ZNF586: variants seen among roughly 807,000 people sequenced by gnomAD.
ZNF586 encodes zinc finger protein 586.
In ZNF586, 7 loss-of-function variants were observed where a neutral mutation model predicts 6.7. The ratio of observed to expected loss-of-function variants is 1.04; its 90% CI spans 0.59 to 1.95. The LOEUF (loss-of-function observed/expected upper bound fraction) is 1.95. Ranked by LOEUF, ZNF586 falls within the 30% of genes most tolerant of loss-of-function variation. The pLI, the probability that ZNF586 is intolerant of heterozygous loss-of-function variation, is 0.00. For synonymous variants in ZNF586, 166 were observed against 168.7 expected (o/e 0.98, Z 0.12); for missense variants, 442 against 489.6 (o/e 0.90, Z 0.92).
At position 57,779,675 on chromosome 19, in the gene ZNF586, A is replaced by G. The variant is rs1178006696; in HGVS notation, c.1088A>G (p.His363Arg). ...SFAENSSLIK[H>R]LRVHTGERPY... ...GCTGAAAACTCCAGCCTTATTAAACACTTGAGAGTTCACACTGGAGAAAGG... is the reference window on the plus strand; with the variant it reads ...GCTGAAAACTCCAGCCTTATTAAACGCTTGAGAGTTCACACTGGAGAAAGG... The change falls in exon 3 of 3, where the codon CAC becomes CGC. Residue 363 changes from histidine to arginine, a missense_variant. Physicochemically the swap from His to Arg is conservative, Grantham distance 29 (BLOSUM62 0). Coordinates refer to ENST00000396154, the MANE Select transcript of ZNF586 (RefSeq NM_017652.4). The G allele has an allele frequency of 6.2e-7, 1 of 1,613,872 alleles. No individual in the cohort carries two copies. Among genetic ancestry groups the G allele is most frequent in the South Asian group, 1.1e-5 (1 of 91,076 alleles).
chr19:57,773,391 T>TG (rs1987143168), intron 1 of ZNF586, among the ~76,000 whole-genome samples: 1 of 57,222 alleles, frequency 1.7e-5, no homozygotes, highest in Non-Finnish European at 3.7e-5. Context: ...ATACATCTGT[T>TG]TCTTCTTCTT....
intron 1 of ZNF586, among the ~76,000 whole-genome samples, chr19:57,771,882 T>C (rs1000041046): frequency 1.3e-5 from 2 of 152,040 alleles, no homozygotes; most frequent in Non-Finnish European, 2.9e-5. Flanking sequence ...TGGAGTGCAA[T>C]AGTGGAATCT....
At chr19:57,776,950 G>A (rs903002822) in intron 2 of ZNF586, among the ~76,000 whole-genome samples, 8 of 152,156 alleles carry the variant, frequency 5.3e-5, no homozygotes, top group Non-Finnish European at 1.0e-4. Flanking sequence ...CTGGGTGACT[G>A]TGCAGATCCA....
At chr19:57,774,405 C>T (rs1024844700) in intron 1 of ZNF586, among the ~76,000 whole-genome samples, 1 of 151,056 alleles carries the variant, frequency 6.6e-6, no homozygotes, top group Non-Finnish European at 1.5e-5. Flanking sequence ...TGCCTCTAAT[C>T]CCAGCTACTC....
chr19:57,769,952 C>T (rs1278139950), intron 1 of ZNF586, 74 bp downstream of exon 1: 1 of 1,307,916 alleles, frequency 7.6e-7, no homozygotes, highest in Non-Finnish European at 1.0e-6. Context: ...TGAGGGCCGC[C>T]TCCTCGCGTC....
intron 1 of ZNF586, among the ~76,000 whole-genome samples, chr19:57,770,103 G>A (rs1258197435): frequency 6.6e-6 from 1 of 151,924 alleles, no homozygotes; most frequent in Non-Finnish European, 1.5e-5. Context: ...GGAGGATGCG[G>A]AACACGGGGA....
chr19:57,776,748 G>C, intron 2 of ZNF586, 79 bp downstream of exon 2: 1 of 1,447,042 alleles, frequency 6.9e-7, no homozygotes, highest in Non-Finnish European at 9.3e-7. Flanking sequence ...CTCACACCAG[G>C]ACCATGGACA....
In ZNF586 at chr19:57,779,118, T is replaced by TTATG. The variant is rs769924793; in HGVS notation, c.532_535dup (p.Glu179ValfsTer2). 20 of 1,614,002 alleles carry TTATG rather than the reference T, an allele frequency of 1.2e-5. No homozygotes were observed. The East Asian group carries it at 4.2e-4, about 34-fold the overall frequency. On this transcript the variant is annotated frameshift_variant, in exon 3 of 3. Coordinates refer to ENST00000396154, the MANE Select transcript of ZNF586 (RefSeq NM_017652.4). LOFTEE classifies it low-confidence loss of function (END_TRUNC). ...AGACACTTCACACTAGAGAAAGGCC[T>TTATG]TATGAGTGTATTGAATGTGGGAAAG... is the stretch of plus-strand genomic sequence containing the variant.
chr19:57,774,719 A>G (rs1447415306), intron 1 of ZNF586: 1 of 983,796 alleles, frequency 1.0e-6, no homozygotes, highest in East Asian at 1.1e-4. Context: ...CTATTGAGAA[A>G]CATTGGAATT....
At position 57,779,615 on chromosome 19, in the gene ZNF586, G is replaced by A. The variant is rs1987334628; in HGVS notation, c.1028G>A (p.Arg343Lys). The A allele has an allele frequency of 1.9e-6, 3 of 1,613,604 alleles. No individual in the cohort carries two copies. The South Asian group carries it at 3.3e-5, about 18-fold the overall frequency. The change falls in exon 3 of 3, where the codon AGG becomes AAG. Residue 343 changes from arginine (R) to lysine (K), a missense_variant. Physicochemically the swap from Arg to Lys is conservative, Grantham distance 26. Coordinates refer to ENST00000396154, the MANE Select transcript of ZNF586 (RefSeq NM_017652.4). Reference sequence around the variant, plus strand: ...CATCTGAGAGTTCACACTGGAGAAAGGCCTTATGAGTGCAGTGACTGTGGG... The same window carrying A: ...CATCTGAGAGTTCACACTGGAGAAAAGCCTTATGAGTGCAGTGACTGTGGG... ...IIHLRVHTGERPYECSDCGKS... is the reference protein window; with the variant it reads ...IIHLRVHTGEKPYECSDCGKS...
In ZNF586 at chr19:57,779,789, A is replaced by T; in HGVS notation, c.1202A>T (p.Tyr401Phe). ...AGAGTTCATACTGGAATGAGGCCTT[A>T]TAAGTGAAGCAAATTTTGGAAATTC... ...HQRVHTGMRP[Y>F]K is the part of the protein sequence containing the mutation. Residue 401 changes from tyrosine to phenylalanine, a missense_variant, in exon 3 of 3, where the codon TAT becomes TTT. By Grantham distance (22) the Tyr-to-Phe change is conservative. Transcript: ENST00000396154. 1 of 1,571,822 alleles carries T rather than the reference A, an allele frequency of 6.4e-7. No individual in the cohort carries two copies. Among genetic ancestry groups the T allele is most frequent in the Non-Finnish European group, 8.6e-7 (1 of 1,160,528 alleles).
chr19:57,777,824 C>T (rs575413471), intron 2 of ZNF586, among the ~76,000 whole-genome samples: 21 of 131,656 alleles, frequency 1.6e-4, no homozygotes, highest in African/African-American at 5.9e-4. Flanking sequence ...AGTGCGATCT[C>T]GGCTCACTGC....
rs561783754 is a variant in ZNF586 at position 57,773,472 on chromosome 19, C to T, written c.37-3071C>T. Among the ~76,000 whole-genome samples the T allele has an allele frequency of 5.5e-5, 8 of 145,936 alleles. No homozygotes were observed. The South Asian group carries it at 6.4e-4, about 12-fold the overall frequency. ...AGACTAGAGTGCCGTGGTGCAATCT[C>T]GGCTCACTGCAACCTCCGCCTCCTG... On this transcript the variant is annotated intron_variant, in intron 1 of 2. Transcript: ENST00000396154.
chr19:57,772,300 G>A (rs920696100), intron 1 of ZNF586, among the ~76,000 whole-genome samples: 1 of 152,116 alleles, frequency 6.6e-6, no homozygotes, highest in South Asian at 2.1e-4. Flanking sequence ...ATTCTGCGTG[G>A]AAAAAAATAC....
At chr19:57,769,906 C>T (rs1259663785) in intron 1 of ZNF586, 28 bp downstream of exon 1, 3 of 1,411,462 alleles carry the variant, frequency 2.1e-6, no homozygotes, top group Admixed American at 4.5e-5. Flanking sequence ...CGGGCCTTAC[C>T]CACCCTACCC....
At chr19:57,773,565 G>A (rs1392556182) in intron 1 of ZNF586, among the ~76,000 whole-genome samples, 1 of 151,864 alleles carries the variant, frequency 6.6e-6, no homozygotes, top group African/African-American at 2.4e-5. Flanking sequence ...CACCATGCCT[G>A]GCTAATTTTT....
Position 57,779,862 on chromosome 19 carries a change from A to G in ZNF586, c.*66A>G, listed in dbSNP as rs146406244. On this transcript the variant is annotated 3_prime_UTR_variant, in exon 3 of 3. Transcript: ENST00000396154. Reference sequence around the variant, plus strand: ...TTCAAGGCCAGAGAGTTCACACCAGATCAAGGTGTTATGAGTGTGACAAAT... The same window carrying G: ...TTCAAGGCCAGAGAGTTCACACCAGGTCAAGGTGTTATGAGTGTGACAAAT... 11 of 1,313,030 alleles carry G rather than the reference A, an allele frequency of 8.4e-6. No individual in the cohort carries two copies. The highest frequency in any genetic ancestry group is 1.2e-5 in the Non-Finnish European group (11 of 948,350). 81.3% of individuals were successfully genotyped at this position (1,313,030 alleles called of 1,614,324 possible). A position where few individuals can be genotyped will look rare whatever the true frequency, so the allele number is the denominator to read the frequency against.
At chr19:57,776,802 G>A (rs981188893) in intron 2 of ZNF586, 133 bp downstream of exon 2, 4 of 1,068,864 alleles carry the variant, frequency 3.7e-6, no homozygotes, top group Non-Finnish European at 5.3e-6. Context: ...GTTGTTGGTC[G>A]GACTGAGGTG....
At chr19:57,772,999 CTT>C (rs1987133107) in intron 1 of ZNF586, among the ~76,000 whole-genome samples, 1 of 152,110 alleles carries the variant, frequency 6.6e-6, no homozygotes, top group Non-Finnish European at 1.5e-5. Flanking sequence ...TTCAAAGTCA[CTT>C]ATAAATTTGA....
Sources: allele counts gnomAD v4.1 joint callset (sites outside exome capture counted in the v4.1 genomes callset), GRCh38; gene constraint gnomAD v4.1.1; transcripts MANE v1.5; gene names NCBI Gene and HGNC (gene_info 2026-07-23, HGNC 2026-07-21).